The following MGAM variants were observed in gnomAD, a reference collection of about 807,000 sequenced individuals.
MGAM encodes alpha-1,4-glucosidase.
In MGAM, 253 loss-of-function variants were observed where a neutral mutation model predicts 358.8. That is an observed-to-expected ratio of 0.71 (90% confidence interval 0.64 to 0.78). The LOEUF (loss-of-function observed/expected upper bound fraction) is 0.78. Among genes scored for constraint, MGAM ranks in the 30% least tolerant of loss-of-function variants. The probability of loss-of-function intolerance (pLI) is 0.00; values close to 1 mark genes in which losing one functional copy is unlikely to be tolerated. For missense variants in MGAM, 3,080 were observed against 3,432.6 expected (o/e 0.90, Z 2.57); for synonymous variants, 1,105 against 1,227.1 (o/e 0.90, Z 2.08).
In MGAM at chr7:142,076,366, T is replaced by A. The variant is rs1255677741; in HGVS notation, c.5325+114T>A. 1.9e-6 allele frequency: 2 copies of A among 1,075,286 alleles called. 1 individual carries two copies. Among genetic ancestry groups the A allele is most frequent in the Non-Finnish European group, 2.8e-6 (2 of 704,130 alleles). The allele number at this position is 1,075,286 out of a possible 1,614,324, so 66.6% of individuals were successfully genotyped here. A position where few individuals can be genotyped will look rare whatever the true frequency, so the allele number is the denominator to read the frequency against. On this transcript the variant is annotated intron_variant, in intron 46 of 70. Transcript: ENST00000475668. ...GTAACTTTATATGCATTATTGGCTA[T>A]AGGTGAGCACATTTCTATTTATGAT...
chr7:142,074,205 C>T lies in MGAM; in HGVS notation c.5275+32C>T. On this transcript the variant is annotated intron_variant, in intron 45 of 70. Transcript: ENST00000475668. ...GCTGTTACAATAATGTTGCTGTTTC[C>T]CAACCTGCGCCTGTGACTTATGGTC... 3 of 1,371,742 alleles carry T rather than the reference C, an allele frequency of 2.2e-6. 1 individual carries two copies. Among genetic ancestry groups the T allele is most frequent in the Non-Finnish European group, 2.0e-6 (2 of 980,296 alleles). 85.0% of individuals were successfully genotyped at this position (1,371,742 alleles called of 1,614,324 possible).
chr7:141,986,885 G>T (rs1803728746), intron 2 of MGAM, among the ~76,000 whole-genome samples: 1 of 152,156 alleles, frequency 6.6e-6, no homozygotes, highest in African/African-American at 2.4e-5. Flanking sequence ...ACTCAATGGG[G>T]ATGCCAAACA....
chr7:142,099,887 C>A, intron 67 of MGAM, 150 bp downstream of exon 67: 1 of 1,225,068 alleles, frequency 8.2e-7, no homozygotes, highest in Non-Finnish European at 1.1e-6. Context: ...GTATTTTAAC[C>A]TTTTTCAGAC....
At position 142,027,144 on chromosome 7, in the gene MGAM, A is replaced by C. The variant is rs782495044; in HGVS notation, c.1012A>C (p.Thr338Pro). ...TGTCCTTCAGCCTGCGCCAGCCATCACTTACCGCACCATTGGGGGCATTCT... is the reference window on the plus strand; with the variant it reads ...TGTCCTTCAGCCTGCGCCAGCCATCCCTTACCGCACCATTGGGGGCATTCT... ...EVVLQPAPAI[T>P]YRTIGGILDF... Residue 338 changes from threonine (T) to proline (P), a missense_variant, in exon 9 of 71, where the codon ACT (threonine) becomes CCT (proline). Physicochemically the swap from Thr to Pro is conservative, Grantham distance 38. Transcript: ENST00000475668. 1.2e-6 allele frequency: 2 copies of C among 1,613,598 alleles called. No individual in the cohort carries two copies. Among genetic ancestry groups the C allele is most frequent in the Admixed American group, 3.3e-5 (2 of 60,002 alleles).
At chr7:142,028,055 C>T (rs1256882892) in intron 10 of MGAM, among the ~76,000 whole-genome samples, 1 of 152,004 alleles carries the variant, frequency 6.6e-6, no homozygotes, top group Non-Finnish European at 1.5e-5. Context: ...CTACATTTTA[C>T]AGGTGTTTTT....
At chr7:142,001,122 T>C (rs1554450504) in intron 1 of MGAM, among the ~76,000 whole-genome samples, 1 of 152,180 alleles carries the variant, frequency 6.6e-6, no homozygotes, top group African/African-American at 2.4e-5. Flanking sequence ...GCAAGTTTAA[T>C]TTTATAGGAT....
At chr7:142,045,149 ATATG>A (rs1308159099) in intron 21 of MGAM, among the ~76,000 whole-genome samples, 1 of 33,372 alleles carries the variant, frequency 3.0e-5, no homozygotes, top group Non-Finnish European at 8.6e-5. Context: ...TATATATCAT[ATATG>A]TGATATATAA....
intron 8 of MGAM, among the ~76,000 whole-genome samples, chr7:142,026,538 G>A (rs143756109): frequency 2.1e-3 from 320 of 152,290 alleles, no homozygotes; most frequent in African/African-American, 7.1e-3. Context: ...ATAGGTGAAA[G>A]GGAATGGGGA....
Position 142,092,572 on chromosome 7 carries a change from A to G in MGAM, c.6997A>G (p.Arg2333Gly), listed in dbSNP as rs760767871. The G allele has an allele frequency of 8.4e-6, 13 of 1,548,248 alleles. No homozygotes were observed. Among genetic ancestry groups the G allele is most frequent in the Non-Finnish European group, 1.1e-5 (12 of 1,128,546 alleles). Reference sequence around the variant, plus strand: ...GAATGGGGCAGTTTCTCCAGGCTGCAGGGATGCCTCTCTGAACCACCCTCC... The same window carrying G: ...GAATGGGGCAGTTTCTCCAGGCTGCGGGGATGCCTCTCTGAACCACCCTCC... ...FVNGAVSPGC[R>G]DASLNHPPYM... The change falls in exon 59 of 71, where the codon AGG becomes GGG. Residue 2333 changes from arginine to glycine, a missense_variant. Transcript: ENST00000475668.
At chr7:142,008,787 T>C in intron 3 of MGAM, 82 bp downstream of exon 3, 1 of 1,430,662 alleles carries the variant, frequency 7.0e-7, no homozygotes, top group African/African-American at 1.4e-5. Context: ...GTTTTGGTTT[T>C]CTTTATTAGT....
Position 142,058,367 on chromosome 7 carries a change from C to G in MGAM, c.3819+39C>G, listed in dbSNP as rs530932190. The G allele has an allele frequency of 1.2e-4, 192 of 1,611,524 alleles. 4 individuals are homozygous for G. In the South Asian group the frequency reaches 2.0e-3, roughly 17 times the overall value. ...CATGGCTCTGGAGTTTCAAAACTAA[C>G]CCAGGTGCCTCTGTGTCTGGGTTCA... On this transcript the variant is annotated intron_variant, in intron 31 of 70. Coordinates refer to ENST00000475668, the MANE Select transcript of MGAM (RefSeq NM_001365693.1).
rs1318937267 is a variant in MGAM at position 142,058,229 on chromosome 7, T to G, written c.3720T>G (p.Pro1240=). 6.2e-7 allele frequency: 1 copy of G among 1,613,860 alleles called. No individual in the cohort carries two copies. Among genetic ancestry groups the G allele is most frequent in the African/African-American group, 1.3e-5 (1 of 75,034 alleles). Residue 1240 remains proline, a synonymous_variant, in exon 31 of 71, where the codon CCT becomes CCG. Coordinates refer to ENST00000475668, the MANE Select transcript of MGAM (RefSeq NM_001365693.1). ...TGATTGGCCGGCCTGTGATGGTACC[T>G]TACTGGTCTTTGGGGTTCCAGCTGT... ...TELIGRPVMV[P]YWSLGFQLCR...
intron 35 of MGAM, among the ~76,000 whole-genome samples, chr7:142,062,989 G>A (rs1812370323): frequency 6.6e-6 from 1 of 152,112 alleles, no homozygotes; most frequent in Non-Finnish European, 1.5e-5. Flanking sequence ...ACCTGAGGTT[G>A]GGAGTTTGAG....
chr7:142,069,674 T>C (rs969813848), intron 43 of MGAM, among the ~76,000 whole-genome samples: 3 of 145,266 alleles, frequency 2.1e-5, no homozygotes, highest in African/African-American at 7.3e-5. Context: ...AGCCCCAGAC[T>C]CCTCTTCCTG....
In MGAM at chr7:142,069,855, G is replaced by A. The variant is rs1281457690; in HGVS notation, c.5062-1139G>A. The stretch of plus-strand genomic sequence containing the variant: ...TCACTACCAGAAGATATCTTTGATG[G>A]AAGAGGGAAAGACAAAAGAAGTCAT... On this transcript the variant is annotated intron_variant, in intron 43 of 70. Transcript: ENST00000475668. Among the ~76,000 whole-genome samples, 2 of 145,492 alleles carry A rather than the reference G, an allele frequency of 1.4e-5. 1 individual carries two copies. The highest frequency in any genetic ancestry group is 4.9e-5 in the African/African-American group (2 of 41,028).
In MGAM at chr7:142,023,748, T is replaced by A. The variant is rs553256593; in HGVS notation, c.883-1302T>A. On this transcript the variant is annotated intron_variant, in intron 7 of 70. Coordinates refer to ENST00000475668, the MANE Select transcript of MGAM (RefSeq NM_001365693.1). ...CTCTGTGTAATTTTTAAGCCCAGGC[T>A]CTGTACTGTACATATGCCTATCAGA... Among the ~76,000 whole-genome samples the A allele has an allele frequency of 2.6e-5, 4 of 152,218 alleles. No homozygotes were observed. In the South Asian group the frequency reaches 6.2e-4, roughly 24 times the overall value.
At chr7:142,102,547 A>G in intron 68 of MGAM, 83 bp from the exon 69 acceptor site, 1 of 1,308,592 alleles carries the variant, frequency 7.6e-7, no homozygotes, top group Non-Finnish European at 1.1e-6. Flanking sequence ...CAAGTAGGCA[A>G]TTAGAACAGC....
chr7:142,083,190 C>G (rs1399403244), intron 52 of MGAM, 111 bp from the exon 53 acceptor site: 2 of 829,230 alleles, frequency 2.4e-6, no homozygotes, highest in African/African-American at 1.6e-5. Context: ...AATACTGGCT[C>G]TTACTACTCT....
intron 34 of MGAM, 139 bp downstream of exon 34, chr7:142,060,512 T>C (rs62477621): frequency 1.0e-6 from 1 of 979,458 alleles, no homozygotes; most frequent in Admixed American, 2.3e-5. Context: ...TTGGGTGTCA[T>C]TCTGTATGCC....
Sources: allele counts gnomAD v4.1 joint callset (sites outside exome capture counted in the v4.1 genomes callset), GRCh38; gene constraint gnomAD v4.1.1; transcripts MANE v1.5; gene names NCBI Gene and HGNC (gene_info 2026-07-23, HGNC 2026-07-21).